CACNA1C: variants seen among roughly 807,000 people sequenced by gnomAD.
CACNA1C encodes the protein voltage-dependent L-type calcium channel subunit alpha-1C.
CACNA1C carries 30 observed loss-of-function variants against 229.0 expected under a neutral mutation model. The observed-to-expected ratio is 0.13, with a 90% CI of 0.10 to 0.18. CACNA1C has a LOEUF of 0.18. Among genes scored for constraint, CACNA1C ranks in the 10% least tolerant of loss-of-function variants. CACNA1C has a pLI of 1.00. For synonymous variants in CACNA1C, 1,114 were observed against 1,132.5 expected (o/e 0.98, Z 0.33); for missense variants, 1,658 against 2,845.0 (o/e 0.58, Z 9.49).
chr12:2,576,060 G>T (rs2058270169), intron 13 of CACNA1C, among the ~76,000 whole-genome samples: 1 of 152,186 alleles, frequency 6.6e-6, no homozygotes, highest in Admixed American at 6.5e-5. Flanking sequence ...GTGACATGGT[G>T]GTCGGCAAGT....
chr12:2,212,768 G>A (rs751367070), intron 3 of CACNA1C, among the ~76,000 whole-genome samples: 17 of 152,210 alleles, frequency 1.1e-4, no homozygotes, highest in Non-Finnish European at 2.2e-4. Flanking sequence ...CAGGTGCTGC[G>A]GTCATGAGGG....
intron 1 of CACNA1C, chr12:2,004,221 C>T: frequency 1.3e-6 from 2 of 1,596,892 alleles, no homozygotes; most frequent in South Asian, 1.1e-5. Flanking sequence ...AGTCCTGAGT[C>T]TGACGCCCCC....
At chr12:1,976,942 G>A (rs572094202) in intron 1 of CACNA1C, among the ~76,000 whole-genome samples, 1 of 152,104 alleles carries the variant, frequency 6.6e-6, no homozygotes, top group African/African-American at 2.4e-5. Flanking sequence ...GATTCTCATA[G>A]GGGTTTGTGA....
chr12:1,994,309 C>T lies in CACNA1C; in HGVS notation c.139+23108C>T, dbSNP rs536339539. 3.9e-5 allele frequency among the ~76,000 whole-genome samples: 6 copies of T among 152,242 alleles called. 1 individual carries two copies. The highest frequency in any genetic ancestry group is 1.4e-4 in the African/African-American group (6 of 41,548). On this transcript the variant is annotated intron_variant, in intron 1 of 46. Transcript: ENST00000682462. ...GGTGCTAGGGCTGTTATTAACAAAC[C>T]CACAGAAATGTTATGAGCAACAGGA...
intron 5 of CACNA1C, among the ~76,000 whole-genome samples, chr12:2,485,409 G>T (rs531786855): frequency 1.5e-4 from 23 of 152,198 alleles, no homozygotes; most frequent in African/African-American, 5.1e-4. Context: ...GTTATTTCTG[G>T]TATAACCGAG....
intron 1 of CACNA1C, among the ~76,000 whole-genome samples, chr12:2,086,980 C>T (rs2067950833): frequency 6.6e-6 from 1 of 152,208 alleles, no homozygotes. Context: ...TTCTGGACCT[C>T]GTGATTCCCA....
chr12:2,658,985 TAA>T (rs2095567753), intron 34 of CACNA1C, among the ~76,000 whole-genome samples: 1 of 152,252 alleles, frequency 6.6e-6, no homozygotes, highest in African/African-American at 2.4e-5. Flanking sequence ...AAAAAAAATT[TAA>T]AAGTTTATAA....
At chr12:2,011,874 C>G (rs944277732) in intron 1 of CACNA1C, among the ~76,000 whole-genome samples, 1 of 152,134 alleles carries the variant, frequency 6.6e-6, no homozygotes, top group Non-Finnish European at 1.5e-5. Flanking sequence ...GATGGGCTCT[C>G]GCTGTAGATT....
At chr12:2,035,526 A>T (rs1159168777) in intron 1 of CACNA1C, among the ~76,000 whole-genome samples, 5 of 152,144 alleles carry the variant, frequency 3.3e-5, no homozygotes, top group Middle Eastern at 3.4e-3. Flanking sequence ...TCCTGTGCGA[A>T]CCTCTTCTGT....
At chr12:2,645,706 A>G (rs1010544209) in intron 30 of CACNA1C, among the ~76,000 whole-genome samples, 12 of 152,194 alleles carry the variant, frequency 7.9e-5, no homozygotes, top group African/African-American at 2.9e-4. Flanking sequence ...CCATGTAGAA[A>G]TCACTCAGGG....
rs2099785768 is a variant in CACNA1C at position 2,512,186 on chromosome 12, A to G, written c.1218-626A>G. Among the ~76,000 whole-genome samples, 1 of 152,146 alleles carries G rather than the reference A, an allele frequency of 6.6e-6. No homozygotes were observed. Among genetic ancestry groups the G allele is most frequent in the Admixed American group, 6.5e-5 (1 of 15,274 alleles). On this transcript the variant is annotated intron_variant, in intron 8 of 46. Transcript: ENST00000399655. The surrounding 1 kb of genome is among the most constrained non-coding windows in gnomAD (Gnocchi z 4.3). ...TTAACAATTGGCTCTCTATGGGGAA[A>G]GCCCTGGTTTTCAGCATTTGCCAGT...
Position 2,687,443 on chromosome 12 carries a change from T to C in CACNA1C, c.5785-1004T>C, listed in dbSNP as rs1287293246. ...AGAGCAGCTCACCCTGCAGAGCCTC[T>C]GCCCTGGCAGGTTGTCATGGCAACA... On this transcript the variant is annotated intron_variant, in intron 45 of 46. Transcript: ENST00000399655. Among the ~76,000 whole-genome samples the C allele has an allele frequency of 2.0e-5, 3 of 152,140 alleles. No homozygotes were observed. In the East Asian group the frequency reaches 5.8e-4, roughly 29 times the overall value.
At chr12:2,451,106 T>C (rs1343681389) in intron 4 of CACNA1C, among the ~76,000 whole-genome samples, 2 of 152,174 alleles carry the variant, frequency 1.3e-5, no homozygotes, top group Non-Finnish European at 2.9e-5. Flanking sequence ...CGAGGTGCAC[T>C]AAGGTTATTA....
intron 3 of CACNA1C, among the ~76,000 whole-genome samples, chr12:2,124,788 G>C (rs1288416091): frequency 6.6e-6 from 1 of 152,196 alleles, no homozygotes; most frequent in Non-Finnish European, 1.5e-5. Flanking sequence ...CCTTGGCCAG[G>C]AGAAAGACTT....
At chr12:2,008,523 T>C (rs1309693489) in intron 1 of CACNA1C, among the ~76,000 whole-genome samples, 1 of 152,088 alleles carries the variant, frequency 6.6e-6, no homozygotes, top group Non-Finnish European at 1.5e-5. Context: ...TAATAGAGAT[T>C]CAATAAATGC....
At position 2,653,369 on chromosome 12, in the gene CACNA1C, A is replaced by G. The variant is rs1294221222; in HGVS notation, c.4075-466A>G. The stretch of plus-strand genomic sequence containing the variant: ...TGATCTTTCTTTTAAATTTTTCCTT[A>G]TTAAATGTTTCCATTGCAATAGTAA... On this transcript the variant is annotated intron_variant, in intron 32 of 46. Transcript: ENST00000399655. This position sits in a 1 kb window ranked among gnomAD's most constrained non-coding sequence, Gnocchi z 4.7. Among the ~76,000 whole-genome samples the G allele has an allele frequency of 6.6e-6, 1 of 152,154 alleles. No homozygotes were observed. The highest frequency in any genetic ancestry group is 1.5e-5 in the Non-Finnish European group (1 of 68,026).
chr12:1,992,934 G>A lies in CACNA1C; in HGVS notation c.139+21733G>A, dbSNP rs981934694. 3 of 582,666 alleles carry A rather than the reference G, an allele frequency of 5.1e-6. No individual in the cohort carries two copies. The South Asian group carries it at 6.5e-5, about 13-fold the overall frequency. 36.1% of individuals were successfully genotyped at this position (582,666 alleles called of 1,614,324 possible). ...TTCGTTCAGGGAGCCACCTATGTGT[G>A]TGTCTCTGCAGTCTCCTCACTAAGA... On this transcript the variant is annotated intron_variant, in intron 1 of 46. Coordinates refer to the CACNA1C transcript ENST00000682462.
At chr12:2,513,607 T>C (rs1380027590) in intron 9 of CACNA1C, among the ~76,000 whole-genome samples, 6 of 152,200 alleles carry the variant, frequency 3.9e-5, no homozygotes. Flanking sequence ...CCTTGTTGGA[T>C]AGGCTGTGGC....
At chr12:2,558,048 T>C (rs1384738922) in intron 11 of CACNA1C, among the ~76,000 whole-genome samples, 1 of 152,214 alleles carries the variant, frequency 6.6e-6, no homozygotes, top group African/African-American at 2.4e-5. Context: ...GGCAGGAGCA[T>C]AGAGAAATTT....
Sources: allele counts gnomAD v4.1 joint callset (sites outside exome capture counted in the v4.1 genomes callset), GRCh38; gene constraint gnomAD v4.1.1; non-coding constraint Gnocchi (gnomAD v3.1); transcripts MANE v1.5; gene names NCBI Gene and HGNC (gene_info 2026-07-23, HGNC 2026-07-21).